Variants in MMS22L observed in about 807,000 individuals in gnomAD.
MMS22L encodes the protein MMS22 like, DNA repair protein, also known as protein MMS22-like.
Under a neutral mutation model 159.1 loss-of-function variants are expected in MMS22L, and 74 were observed. The observed-to-expected ratio is 0.47, with a 90% CI of 0.39 to 0.56. The LOEUF (loss-of-function observed/expected upper bound fraction) is 0.56, where lower values mean the gene tolerates loss of function less well. Among genes scored for constraint, MMS22L ranks in the 20% least tolerant of loss-of-function variants. The pLI is 0.00. For missense variants in MMS22L, 1,351 were observed against 1,422.1 expected (o/e 0.95, Z 0.80); for synonymous variants, 517 against 506.9 (o/e 1.02, Z -0.27).
chr6:97,212,840 C>A lies in MMS22L; in HGVS notation c.2039+16054G>T, dbSNP rs571969951. Among the ~76,000 whole-genome samples the A allele has an allele frequency of 3.9e-5, 6 of 152,168 alleles. No individual in the cohort carries two copies. In the South Asian group the frequency reaches 1.0e-3, roughly 26 times the overall value. ...GTTTTGACAATGGATATATTAATGA[C>A]CCACAAAATTGAAATACAGTGAATA... On this transcript the variant is annotated intron_variant, in intron 14 of 24. Coordinates refer to ENST00000683635, the MANE Select transcript of MMS22L (RefSeq NM_001350599.2).
intron 9 of MMS22L, 139 bp downstream of exon 9, chr6:97,263,196 T>G: frequency 1.7e-6 from 1 of 578,928 alleles, no homozygotes; most frequent in Non-Finnish European, 3.0e-6. Flanking sequence ...AGATATTCAG[T>G]ACTCAGTTAT....
intron 22 of MMS22L, among the ~76,000 whole-genome samples, chr6:97,152,979 G>T (rs919314452): frequency 6.6e-6 from 1 of 151,852 alleles, no homozygotes; most frequent in Admixed American, 6.6e-5. Context: ...AGGACTACAG[G>T]TGCATGCCAG....
intron 9 of MMS22L, among the ~76,000 whole-genome samples, chr6:97,255,463 ATTGTT>A (rs1341649756): frequency 2.0e-5 from 3 of 151,906 alleles, no homozygotes; most frequent in Admixed American, 6.6e-5. Flanking sequence ...TATCCTTTTC[ATTGTT>A]TTAAATTCAT....
In MMS22L at chr6:97,277,650, C is replaced by A. The variant is rs1274845277; in HGVS notation, c.340+1199G>T. Reference sequence around the variant, plus strand: ...ATTAGGATGCTCCCTTTGTTTGTCTCACCTCCTAGATAAAAATTAAAATAC... The same window carrying A: ...ATTAGGATGCTCCCTTTGTTTGTCTAACCTCCTAGATAAAAATTAAAATAC... On this transcript the variant is annotated intron_variant, in intron 4 of 24. Transcript: ENST00000683635. 4.6e-5 allele frequency among the ~76,000 whole-genome samples: 7 copies of A among 151,960 alleles called. No individual in the cohort carries two copies. The East Asian group carries it at 1.4e-3, about 29-fold the overall frequency.
intron 14 of MMS22L, among the ~76,000 whole-genome samples, chr6:97,192,113 C>T (rs1351796631): frequency 6.6e-6 from 1 of 151,948 alleles, no homozygotes; most frequent in Admixed American, 6.6e-5. Flanking sequence ...ACAGACACCC[C>T]AGTACATCTG....
chr6:97,249,618 A>C (rs1383776562), intron 10 of MMS22L, among the ~76,000 whole-genome samples: 1 of 152,158 alleles, frequency 6.6e-6, no homozygotes, highest in Non-Finnish European at 1.5e-5. Flanking sequence ...AAACATAATT[A>C]AGTCTCAGAA....
At chr6:97,270,600 T>A in intron 6 of MMS22L, 1 of 180,376 alleles carries the variant, frequency 5.5e-6, no homozygotes. Flanking sequence ...AGCATCACTA[T>A]AAAAATAAAT....
At position 97,145,200 on chromosome 6, in the gene MMS22L, A is replaced by G. The variant is rs1038097652; in HGVS notation, c.*1606T>C. ...TCACTATCATGATGAAAAGAAATTC[A>G]GTGTTATGAAGTCTATTAAACAGCC... On this transcript the variant is annotated 3_prime_UTR_variant, in exon 25 of 25. Coordinates refer to ENST00000683635, the MANE Select transcript of MMS22L (RefSeq NM_001350599.2). 5 of 152,134 alleles carry G rather than the reference A, an allele frequency of 3.3e-5. No individual in the cohort carries two copies. Among genetic ancestry groups the G allele is most frequent in the Admixed American group, 3.3e-4 (5 of 15,276 alleles). 9.4% of individuals were successfully genotyped at this position (152,134 alleles called of 1,614,324 possible).
chr6:97,280,913 C>A (rs566222861), intron 3 of MMS22L, among the ~76,000 whole-genome samples: 2 of 151,992 alleles, frequency 1.3e-5, no homozygotes, highest in South Asian at 4.2e-4. Context: ...TTGTTAAGAC[C>A]ATACTCTAAA....
intron 15 of MMS22L, among the ~76,000 whole-genome samples, chr6:97,182,556 A>AATTCCTT (rs2128275955): frequency 6.6e-6 from 1 of 152,318 alleles, no homozygotes; most frequent in East Asian, 1.9e-4. Context: ...TAGGAACTAG[A>AATTCCTT]ATTCCTTAGT....
At position 97,233,945 on chromosome 6, in the gene MMS22L, A is replaced by C. The variant is rs760593315; in HGVS notation, c.1218T>G (p.Leu406=). 5 of 1,610,814 alleles carry C rather than the reference A, an allele frequency of 3.1e-6. No individual in the cohort carries two copies. In the South Asian group the frequency reaches 4.4e-5, roughly 14 times the overall value. ...VILEEQLRMY[L]HCCLTLCDFW... ...AATCACAAAGTGTCAAACAACAGTG[A>C]AGATACATTCGTAATTGTTCTTCTA... Residue 406 remains leucine (L), a synonymous_variant, in exon 12 of 25, where the codon CTT becomes CTG. Transcript: ENST00000683635.
intron 21 of MMS22L, among the ~76,000 whole-genome samples, chr6:97,162,898 G>A (rs1802591224): frequency 6.6e-6 from 1 of 151,876 alleles, no homozygotes; most frequent in Non-Finnish European, 1.5e-5. Context: ...TTCTACAAAT[G>A]TCTAGACAAT....
chr6:97,223,845 T>C (rs991123969), intron 14 of MMS22L, among the ~76,000 whole-genome samples: 3 of 152,272 alleles, frequency 2.0e-5, no homozygotes, highest in Non-Finnish European at 2.9e-5. Context: ...GTAATCTGTT[T>C]GCAAATTACT....
intron 14 of MMS22L, among the ~76,000 whole-genome samples, chr6:97,202,207 T>G (rs1056141944): frequency 1.3e-5 from 2 of 152,222 alleles, no homozygotes; most frequent in Non-Finnish European, 2.9e-5. Context: ...CTCACCCACC[T>G]ATCCTAAATA....
intron 14 of MMS22L, among the ~76,000 whole-genome samples, chr6:97,217,411 G>T (rs372227416): frequency 1.3e-5 from 2 of 151,840 alleles, no homozygotes; most frequent in African/African-American, 4.8e-5. Flanking sequence ...CCACCACCAC[G>T]CCCAGCTAAT....
intron 6 of MMS22L, chr6:97,270,821 T>C (rs1439798425): frequency 6.6e-6 from 1 of 152,066 alleles, no homozygotes; most frequent in Admixed American, 6.5e-5. Context: ...CAATAAAAAA[T>C]AAGATTTTTA....
Position 97,265,081 on chromosome 6 carries a change from T to C in MMS22L, c.829-1633A>G, listed in dbSNP as rs556775558. 4 of 152,268 alleles carry C rather than the reference T, an allele frequency of 2.6e-5. No individual in the cohort carries two copies. The East Asian group carries it at 7.7e-4, about 29-fold the overall frequency. 9.4% of individuals were successfully genotyped at this position (152,268 alleles called of 1,614,324 possible). On this transcript the variant is annotated intron_variant, in intron 8 of 24. Transcript: ENST00000683635. ...GTAGGAAATCACAAAAGGTCCTGAA[T>C]AGACCCAGCAATCTTTAGCAAAAAA...
chr6:97,236,645 T>C (rs868632645), intron 11 of MMS22L, among the ~76,000 whole-genome samples: 2 of 151,894 alleles, frequency 1.3e-5, no homozygotes, highest in African/African-American at 4.8e-5. Context: ...GACATTCTTT[T>C]AAAAAGGACT....
chr6:97,242,504 G>A (rs532031479), intron 11 of MMS22L, among the ~76,000 whole-genome samples: 1 of 152,080 alleles, frequency 6.6e-6, no homozygotes, highest in Non-Finnish European at 1.5e-5. Context: ...AAGTCTCTTG[G>A]AGACAGCAGA....
Sources: allele counts gnomAD v4.1 joint callset (sites outside exome capture counted in the v4.1 genomes callset), GRCh38; gene constraint gnomAD v4.1.1; transcripts MANE v1.5; gene names NCBI Gene and HGNC (gene_info 2026-07-23, HGNC 2026-07-21).